Variants in SLC12A7 observed in about 807,000 individuals in gnomAD.
SLC12A7 encodes K-Cl cotransporter 4.
In SLC12A7, 100 loss-of-function variants were observed where a neutral mutation model predicts 120.6. The observed-to-expected ratio is 0.83, with a 90% CI of 0.71 to 0.98. The LOEUF (loss-of-function observed/expected upper bound fraction) is 0.98. SLC12A7 is among the 50% of genes least tolerant of loss of function. SLC12A7 has a pLI of 0.00. For missense variants in SLC12A7, 1,373 were observed against 1,548.1 expected, an observed-to-expected ratio of 0.89 and a Z score of 1.90; for synonymous variants, 760 against 678.0, an observed-to-expected ratio of 1.12 and a Z score of -1.88.
At chr5:1,135,179 G>A in the SLC12A7 span, among the ~76,000 whole-genome samples, 1 of 152,172 alleles carries the variant, frequency 6.6e-6, no homozygotes, top group Non-Finnish European at 1.5e-5. Context: ...TGTAAGATGG[G>A]GATGAGTAGA....
At chr5:1,140,207 C>A in the SLC12A7 span, among the ~76,000 whole-genome samples, 2 of 152,248 alleles carry the variant, frequency 1.3e-5, no homozygotes, top group African/African-American at 4.8e-5. Context: ...CCCGGCCCAC[C>A]TGCATGCAGG....
chr5:1,053,190 C>A (rs952928567), intron 23 of SLC12A7, among the ~76,000 whole-genome samples, 159 bp downstream of exon 23: 8 of 152,196 alleles, frequency 5.3e-5, no homozygotes, highest in Non-Finnish European at 1.2e-4. Context: ...CACCACTGGG[C>A]TCAGAGCCCC....
At chr5:1,092,908 C>T (rs1484940679) in intron 3 of SLC12A7, among the ~76,000 whole-genome samples, 1 of 152,146 alleles carries the variant, frequency 6.6e-6, no homozygotes, top group Non-Finnish European at 1.5e-5. Context: ...ACCTCAGGGC[C>T]TCAGGCCTCA....
chr5:1,115,951 C>T (rs6554618), upstream of SLC12A7, among the ~76,000 whole-genome samples: 90,020 of 150,660 alleles, frequency 0.6, 27,376 homozygotes, highest in African/African-American at 0.69. Flanking sequence ...TTTTTTTAAG[C>T]GTGGTGAGCC....
the SLC12A7 span, among the ~76,000 whole-genome samples, chr5:1,127,304 C>T: frequency 2.0e-5 from 3 of 152,240 alleles, no homozygotes; most frequent in African/African-American, 7.2e-5. Flanking sequence ...TGAGCCACCA[C>T]GCCTGGCCGA....
At chr5:1,064,901 C>CGCGAGGGGACGGCGAGGGGACA (rs1561043437) in intron 18 of SLC12A7, among the ~76,000 whole-genome samples, 1 of 28,376 alleles carries the variant, frequency 3.5e-5, no homozygotes, top group African/African-American at 1.2e-4. Flanking sequence ...GTGAGGGGAC[C>CGCGAGGGGACGGCGAGGGGACA]GCGAGGGGAC....
chr5:1,075,376 G>A lies in SLC12A7; in HGVS notation c.1962C>T (p.Tyr654=). 6.2e-7 allele frequency: 1 copy of A among 1,611,262 alleles called. No individual in the cohort carries two copies. Among genetic ancestry groups the A allele is most frequent in the Non-Finnish European group, 8.5e-7 (1 of 1,178,760 alleles). The change falls in exon 15 of 24, where the codon TAC becomes TAT. Residue 654 remains tyrosine (Y), a synonymous_variant. Transcript: ENST00000264930. The stretch of plus-strand genomic sequence containing the variant: ...GGGGGGCTGACAGCGCTTACCCGCG[G>A]TACTCGATGTACTTGTAGATGCAGC... ...IAGCIYKYIE[Y]RGAEKEWGDG...
chr5:1,064,281 C>A, intron 18 of SLC12A7, 29 bp from the exon 19 acceptor site: 1 of 1,593,516 alleles, frequency 6.3e-7, no homozygotes, highest in South Asian at 1.1e-5. Context: ...GTCCGCAGGT[C>A]ATCTGAGGCC....
intron 1 of SLC12A7, among the ~76,000 whole-genome samples, chr5:1,104,836 G>A (rs968490452): frequency 3.3e-5 from 5 of 152,240 alleles, no homozygotes; most frequent in Middle Eastern, 3.2e-3. Context: ...AAACAGGCAC[G>A]GGCTGGCAGG....
the SLC12A7 span, among the ~76,000 whole-genome samples, chr5:1,119,573 C>T: frequency 2.4e-3 from 373 of 152,362 alleles, no homozygotes; most frequent in Admixed American, 4.9e-3. Flanking sequence ...CCTGGTTGGG[C>T]GGTGAGGTTC....
At chr5:1,083,653 T>C in intron 8 of SLC12A7, 92 bp downstream of exon 8, 1 of 1,352,468 alleles carries the variant, frequency 7.4e-7, no homozygotes, top group Non-Finnish European at 1.0e-6. Flanking sequence ...ATTGGGGCCC[T>C]GAGAGTGACT....
chr5:1,082,337 TTCCCGTCTCGGGTTCTGGAAAGTCCAGG>T, intron 8 of SLC12A7, among the ~76,000 whole-genome samples: 1 of 108,972 alleles, frequency 9.2e-6, no homozygotes, highest in South Asian at 2.7e-4. Flanking sequence ...AAGTCCGGGC[TTCCCGTCTCGGGTTCTGGAAAGTCCAGG>T]CTTCCCGTCT....
chr5:1,097,086 G>C (rs1340898410), intron 1 of SLC12A7, among the ~76,000 whole-genome samples: 1 of 152,194 alleles, frequency 6.6e-6, no homozygotes, highest in Non-Finnish European at 1.5e-5. Flanking sequence ...TTCTCCACCA[G>C]GAGTGCAGCT....
chr5:1,140,338 C>A, the SLC12A7 span, among the ~76,000 whole-genome samples: 7 of 152,210 alleles, frequency 4.6e-5, 1 homozygote, highest in Admixed American at 4.6e-4. Flanking sequence ...GAATCCTGAC[C>A]GCCAATCTGC....
chr5:1,107,266 A>C lies in SLC12A7; in HGVS notation c.124+4602T>G, dbSNP rs989726091. On this transcript the variant is annotated intron_variant, in intron 1 of 23. Transcript: ENST00000264930. The stretch of plus-strand genomic sequence containing the variant: ...TGTTAGGCGTAGCCTTAACCTCGGC[A>C]AATAAACCTCTCAAGTGATTGAGGC... Among the ~76,000 whole-genome samples, 6 of 152,244 alleles carry C rather than the reference A, an allele frequency of 3.9e-5. 1 individual carries two copies. The highest frequency in any genetic ancestry group is 3.3e-4 in the Admixed American group (5 of 15,292).
At chr5:1,081,503 C>G (rs1739101867) in intron 9 of SLC12A7, 74 bp downstream of exon 9, 1 of 1,490,456 alleles carries the variant, frequency 6.7e-7, no homozygotes, top group Non-Finnish European at 9.2e-7. Flanking sequence ...GCCTGGGTGA[C>G]AGAGCAAGAC....
At chr5:1,057,232 C>T (rs534867711) in intron 22 of SLC12A7, 26 of 495,828 alleles carry the variant, frequency 5.2e-5, no homozygotes, top group East Asian at 2.0e-4. Flanking sequence ...CAAGGACTCC[C>T]GGCCTTGGCA....
chr5:1,082,030 A>G (rs372934149), intron 8 of SLC12A7, among the ~76,000 whole-genome samples: 1,129 of 90,594 alleles, frequency 0.012, 4 homozygotes, highest in Middle Eastern at 0.058. Context: ...TGGAAAGTCC[A>G]GGCTTCCCGT....
At chr5:1,142,977 C>A in the SLC12A7 span, among the ~76,000 whole-genome samples, 61,006 of 151,706 alleles carry the variant, frequency 0.4, 12,918 homozygotes, top group East Asian at 0.6. Context: ...CCCCGGGCCC[C>A]GGTATTCATG....
Sources: allele counts gnomAD v4.1 joint callset (sites outside exome capture counted in the v4.1 genomes callset), GRCh38; gene constraint gnomAD v4.1.1; transcripts MANE v1.5; gene names NCBI Gene and HGNC (gene_info 2026-07-23, HGNC 2026-07-21).